The following NOS1AP variants were observed in gnomAD, a reference collection of about 807,000 sequenced individuals.
The protein encoded by NOS1AP is carboxyl-terminal PDZ ligand of neuronal nitric oxide synthase protein.
NOS1AP carries 21 observed loss-of-function variants against 56.2 expected under a neutral mutation model. That is an observed-to-expected ratio of 0.37 (90% CI 0.26 to 0.54). The LOEUF (loss-of-function observed/expected upper bound fraction) is 0.54. NOS1AP is among the 20% of genes least tolerant of loss of function. The pLI is 0.84. For synonymous variants in NOS1AP, 270 were observed against 274.6 expected (o/e 0.98, Z 0.17); for missense variants, 522 against 657.8 (o/e 0.79, Z 2.26).
chr1:162,190,327 AT>A (rs1202510088), intron 2 of NOS1AP, among the ~76,000 whole-genome samples: 1 of 149,036 alleles, frequency 6.7e-6, no homozygotes, highest in Non-Finnish European at 1.5e-5. Context: ...CAACTTCAAG[AT>A]TTCTTTCTTC....
chr1:162,362,353 A>G (rs1657930147), intron 8 of NOS1AP, among the ~76,000 whole-genome samples: 1 of 151,798 alleles, frequency 6.6e-6, no homozygotes, highest in South Asian at 2.1e-4. Context: ...TGGGAGGATG[A>G]GGCAGGAGAA....
chr1:162,365,353 T>C, intron 8 of NOS1AP, 51 bp from the exon 9 acceptor site: 1 of 1,612,600 alleles, frequency 6.2e-7, no homozygotes, highest in Non-Finnish European at 8.5e-7. Context: ...TGCATTCATG[T>C]CCCTCTCTTC....
In NOS1AP at chr1:162,115,502, T is replaced by A. The variant is rs144291328; in HGVS notation, c.106-38903T>A. 5.3e-5 allele frequency among the ~76,000 whole-genome samples: 8 copies of A among 152,166 alleles called. No individual in the cohort carries two copies. In the East Asian group the frequency reaches 1.5e-3, roughly 29 times the overall value. On this transcript the variant is annotated intron_variant, in intron 1 of 9. Coordinates refer to ENST00000361897, the MANE Select transcript of NOS1AP (RefSeq NM_014697.3). ...TGTGAGGGGATTCTTGGAAGAGGAATTGTCTAGAAATGTAATCTGGGATGG... is the reference window on the plus strand; with the variant it reads ...TGTGAGGGGATTCTTGGAAGAGGAAATGTCTAGAAATGTAATCTGGGATGG...
At chr1:162,261,492 G>GGAGA (rs1267138014) in intron 2 of NOS1AP, among the ~76,000 whole-genome samples, 2 of 104 alleles carry the variant, frequency 0.019, 1 homozygote, top group Non-Finnish European at 1. Flanking sequence ...GAGAGAGAGA[G>GGAGA]AGAGAGAGAG....
Position 162,300,632 on chromosome 1 carries a change from G to T in NOS1AP, c.271-1G>T, listed in dbSNP as rs778739430. ...GACAAGCCTAACTTATTCATTTACAGCTTCTTTTATTGCAGAAAAAGGAAT... is the reference window on the plus strand; with the variant it reads ...GACAAGCCTAACTTATTCATTTACATCTTCTTTTATTGCAGAAAAAGGAAT... On this transcript the variant is annotated splice_acceptor_variant, in intron 3 of 9. Coordinates refer to ENST00000361897, the MANE Select transcript of NOS1AP (RefSeq NM_014697.3). LOFTEE classifies it high-confidence loss of function. 6.2e-7 allele frequency: 1 copy of T among 1,613,728 alleles called. No homozygotes were observed.
At position 162,361,069 on chromosome 1, in the gene NOS1AP, C is replaced by A. The variant is rs563487460; in HGVS notation, c.939+3933C>A. 49 of 372,448 alleles carry A rather than the reference C, an allele frequency of 1.3e-4. 1 individual carries two copies. The highest frequency in any genetic ancestry group is 9.5e-4 in the South Asian group (48 of 50,456). 23.1% of individuals were successfully genotyped at this position (372,448 alleles called of 1,614,324 possible). ...GTCATGATGAGGCCAGAGTGCAGAG[C>A]TGGACATCTGAGCCCTGGCACTCGG... On this transcript the variant is annotated intron_variant, in intron 8 of 9. Coordinates refer to ENST00000361897, the MANE Select transcript of NOS1AP (RefSeq NM_014697.3).
chr1:162,248,768 A>G (rs939949032), intron 2 of NOS1AP, among the ~76,000 whole-genome samples: 1 of 152,192 alleles, frequency 6.6e-6, no homozygotes, highest in African/African-American at 2.4e-5. Flanking sequence ...ACAACAAACC[A>G]TAAACATTCA....
At chr1:162,270,217 T>G (rs1438447779) in intron 2 of NOS1AP, among the ~76,000 whole-genome samples, 1 of 152,208 alleles carries the variant, frequency 6.6e-6, no homozygotes, top group Non-Finnish European at 1.5e-5. Flanking sequence ...AGTGGCCTCC[T>G]TAATGATTTC....
chr1:162,154,155 G>T (rs10918776), intron 1 of NOS1AP, among the ~76,000 whole-genome samples: 1 of 151,890 alleles, frequency 6.6e-6, no homozygotes, highest in African/African-American at 2.4e-5. Context: ...GGCTTGAAAG[G>T]CTGCTTGGTT....
chr1:162,349,298 C>A (rs1276086669), intron 6 of NOS1AP, among the ~76,000 whole-genome samples: 4 of 149,508 alleles, frequency 2.7e-5, no homozygotes, highest in Admixed American at 2.6e-4. Context: ...ATGTTAATCT[C>A]ACTTAAAAAA....
intron 1 of NOS1AP, among the ~76,000 whole-genome samples, chr1:162,078,584 G>A (rs1350626942): frequency 1.3e-5 from 2 of 151,830 alleles, no homozygotes; most frequent in African/African-American, 4.8e-5. Flanking sequence ...ATAACCTTCT[G>A]AAGGCCTCCA....
Position 162,370,008 on chromosome 1 carries a change from A to G in NOS1AP, c.*2541A>G, listed in dbSNP as rs1647343967. 1 of 152,144 alleles carries G rather than the reference A, an allele frequency of 6.6e-6. No individual in the cohort carries two copies. The highest frequency in any genetic ancestry group is 1.9e-4 in the East Asian group (1 of 5,176). 9.4% of individuals were successfully genotyped at this position (152,144 alleles called of 1,614,324 possible). On this transcript the variant is annotated 3_prime_UTR_variant, in exon 10 of 10. Transcript: ENST00000361897. ...ACTCAACTCTGCCTTCCTCTTTTTC[A>G]TTCTTCTACTCTGCCCTATATGGAG...
At chr1:162,355,382 T>G (rs139991954) in intron 7 of NOS1AP, 29 bp downstream of exon 7, 413 of 1,613,192 alleles carry the variant, frequency 2.6e-4, no homozygotes, top group Non-Finnish European at 3.3e-4. Flanking sequence ...ATCTGTGTGA[T>G]CTGCACACGT....
At chr1:162,346,014 A>G (rs890259783) in intron 6 of NOS1AP, among the ~76,000 whole-genome samples, 2 of 152,232 alleles carry the variant, frequency 1.3e-5, no homozygotes, top group East Asian at 1.9e-4. Context: ...TCATGTTCAA[A>G]TAAGTGCCTG....
chr1:162,197,361 G>A (rs977446376), intron 2 of NOS1AP, among the ~76,000 whole-genome samples: 5 of 152,120 alleles, frequency 3.3e-5, no homozygotes, highest in Non-Finnish European at 5.9e-5. Flanking sequence ...CTCATGCCCC[G>A]TGGAGGGCAC....
intron 2 of NOS1AP, among the ~76,000 whole-genome samples, chr1:162,230,854 T>C (rs1159419609): frequency 6.6e-6 from 1 of 152,238 alleles, no homozygotes; most frequent in Non-Finnish European, 1.5e-5. Flanking sequence ...TATTTCATTG[T>C]ATGTAGGTAG....
intron 2 of NOS1AP, among the ~76,000 whole-genome samples, chr1:162,201,598 C>T (rs1651992362): frequency 6.6e-6 from 1 of 152,136 alleles, no homozygotes. Flanking sequence ...TTCTCTGCAA[C>T]CTTGCCAGCA....
At chr1:162,233,332 G>C (rs956694314) in intron 2 of NOS1AP, among the ~76,000 whole-genome samples, 12 of 152,148 alleles carry the variant, frequency 7.9e-5, no homozygotes, top group Non-Finnish European at 1.6e-4. Flanking sequence ...GGTGGCTGGC[G>C]GGGTAGTTGT....
At chr1:162,268,701 A>G (rs190016160) in intron 2 of NOS1AP, among the ~76,000 whole-genome samples, 30 of 152,310 alleles carry the variant, frequency 2.0e-4, no homozygotes, top group South Asian at 1.2e-3. Context: ...TTAAGACACT[A>G]CATTCTAAAA....
Sources: gnomAD v4.1 joint callset for allele counts (sites outside exome capture counted in the v4.1 genomes callset) on GRCh38, gnomAD v4.1.1 for gene constraint, MANE v1.5 for transcripts, NCBI Gene and HGNC (gene_info 2026-07-23, HGNC 2026-07-21) for gene names.